Variants in SEC22A observed in about 807,000 individuals in gnomAD.
SEC22A encodes vesicle-trafficking protein SEC22a.
In SEC22A, 22 loss-of-function variants were observed where a neutral mutation model predicts 35.3. The ratio of observed to expected loss-of-function variants is 0.62; its 90% CI spans 0.45 to 0.89. The LOEUF (loss-of-function observed/expected upper bound fraction) is 0.89, where lower values mean the gene tolerates loss of function less well. Among genes scored for constraint, SEC22A ranks in the 40% least tolerant of loss-of-function variants. SEC22A has a pLI of 0.00. For missense variants in SEC22A, 354 were observed against 362.5 expected, an observed-to-expected ratio of 0.98 and a Z score of 0.19; for synonymous variants, 119 against 129.5, an observed-to-expected ratio of 0.92 and a Z score of 0.55.
chr3:123,260,609 G>A (rs190646819), intron 6 of SEC22A, among the ~76,000 whole-genome samples: 72 of 152,234 alleles, frequency 4.7e-4, no homozygotes, highest in African/African-American at 1.6e-3. Flanking sequence ...TTGTTAAAAC[G>A]TGTTACAGCA....
intron 3 of SEC22A, among the ~76,000 whole-genome samples, 174 bp downstream of exon 3, chr3:123,223,896 T>A (rs1456141631): frequency 6.6e-6 from 1 of 152,084 alleles, no homozygotes; most frequent in Admixed American, 6.6e-5. Context: ...TAGAAAAAAA[T>A]TGTGTTTGAG....
intron 2 of SEC22A, among the ~76,000 whole-genome samples, chr3:123,220,894 A>ATATATATATATATATATATATATATATG (rs1559753294): frequency 6.9e-6 from 1 of 145,210 alleles, no homozygotes; most frequent in Non-Finnish European, 1.5e-5. Context: ...ATATATATAT[A>ATATATATATATATATATATATATATATG]TATGTCACAT....
chr3:123,209,174 A>G, intron 1 of SEC22A, 25 bp from the exon 2 acceptor site: 1 of 1,588,070 alleles, frequency 6.3e-7, no homozygotes, highest in South Asian at 1.1e-5. Flanking sequence ...TTTTTATGTA[A>G]CCCAAATTGT....
At chr3:123,209,813 A>G (rs1443582639) in intron 2 of SEC22A, among the ~76,000 whole-genome samples, 1 of 152,188 alleles carries the variant, frequency 6.6e-6, no homozygotes, top group African/African-American at 2.4e-5. Context: ...AAACTGGGCA[A>G]TGGGATAGAG....
chr3:123,215,578 G>T (rs1326628568), intron 2 of SEC22A, among the ~76,000 whole-genome samples: 1 of 152,126 alleles, frequency 6.6e-6, no homozygotes, highest in African/African-American at 2.4e-5. Context: ...TGCTGGGCAG[G>T]TAGATGCTGG....
intron 2 of SEC22A, among the ~76,000 whole-genome samples, chr3:123,212,238 C>T (rs1936949622): frequency 6.6e-6 from 1 of 151,920 alleles, no homozygotes; most frequent in Non-Finnish European, 1.5e-5. Flanking sequence ...TCTTAGATCA[C>T]CTGGATAATG....
intron 2 of SEC22A, among the ~76,000 whole-genome samples, chr3:123,218,618 T>G (rs534207551): frequency 1.7e-4 from 26 of 152,284 alleles, no homozygotes; most frequent in African/African-American, 6.0e-4. Flanking sequence ...ATGTCGAAGA[T>G]TCACTGACCT....
At chr3:123,224,330 T>A (rs910777212) in intron 3 of SEC22A, among the ~76,000 whole-genome samples, 2 of 151,536 alleles carry the variant, frequency 1.3e-5, no homozygotes, top group African/African-American at 4.8e-5. Flanking sequence ...ATTTAGGAAA[T>A]GTCTTATGTT....
intron 4 of SEC22A, among the ~76,000 whole-genome samples, chr3:123,227,318 A>G (rs905825718): frequency 1.3e-5 from 2 of 152,126 alleles, no homozygotes; most frequent in African/African-American, 4.8e-5. Context: ...CCTTCAGCAG[A>G]ACCAGAATAA....
chr3:123,202,720 G>A (rs996409766), intron 1 of SEC22A, among the ~76,000 whole-genome samples: 1 of 152,130 alleles, frequency 6.6e-6, no homozygotes, highest in African/African-American at 2.4e-5. Flanking sequence ...TCCACCTGGG[G>A]CAGGGGGCGA....
At chr3:123,222,733 A>T (rs959468665) in intron 2 of SEC22A, among the ~76,000 whole-genome samples, 1 of 152,208 alleles carries the variant, frequency 6.6e-6, no homozygotes, top group Non-Finnish European at 1.5e-5. Flanking sequence ...GATGTTAGAG[A>T]GTACTTGGTG....
intron 4 of SEC22A, among the ~76,000 whole-genome samples, chr3:123,226,245 C>A (rs1937215844): frequency 6.6e-6 from 1 of 152,090 alleles, no homozygotes; most frequent in Non-Finnish European, 1.5e-5. Context: ...TATGATAGTT[C>A]TCTTTTTAGT....
intron 1 of SEC22A, 56 bp from the exon 2 acceptor site, chr3:123,209,143 G>C: frequency 7.4e-7 from 1 of 1,358,222 alleles, no homozygotes; most frequent in Middle Eastern, 1.8e-4. Context: ...TTTTACATAT[G>C]CTTATCAAGT....
chr3:123,209,197 A>G lies in SEC22A; in HGVS notation c.-19-2A>G. 2 of 1,611,870 alleles carry G rather than the reference A, an allele frequency of 1.2e-6. No homozygotes were observed. Among genetic ancestry groups the G allele is most frequent in the Non-Finnish European group, 1.7e-6 (2 of 1,178,330 alleles). On this transcript the variant is annotated splice_acceptor_variant, in intron 1 of 6. Coordinates refer to ENST00000492595, the MANE Select transcript of SEC22A (RefSeq NM_012430.5). LOFTEE classifies it low-confidence loss of function (5UTR_SPLICE). ...TAACCCAAATTGTTCATTTTGTTTT[A>G]GGTCTTCTCTGTTGGTTGAAATGTC...
At chr3:123,257,425 G>T (rs956231070) in intron 5 of SEC22A, among the ~76,000 whole-genome samples, 3 of 152,144 alleles carry the variant, frequency 2.0e-5, no homozygotes, top group African/African-American at 7.2e-5. Context: ...GGCCAGGCAC[G>T]GTGGCTCACG....
rs141388276 is a variant in SEC22A, at chr3:123,247,896, G to A, written c.657+1882G>A. 9.0e-4 allele frequency among the ~76,000 whole-genome samples: 136 copies of A among 151,796 alleles called. 3 individuals are homozygous for A. In the East Asian group the frequency reaches 0.021, roughly 23 times the overall value. On this transcript the variant is annotated intron_variant, in intron 5 of 6. Coordinates refer to ENST00000492595, the MANE Select transcript of SEC22A (RefSeq NM_012430.5). ...CAGGTGGAATTTATCCCAGGTATGC[G>A]GGGGCCAGTCACCCTTAGAAGCCAA...
At chr3:123,229,996 G>C (rs774634050) in intron 4 of SEC22A, among the ~76,000 whole-genome samples, 7 of 152,068 alleles carry the variant, frequency 4.6e-5, no homozygotes, top group Non-Finnish European at 1.0e-4. Context: ...AAAAAAGACA[G>C]TAAAGGCCCG....
intron 6 of SEC22A, 29 bp downstream of exon 6, chr3:123,259,618 CT>C: frequency 6.8e-7 from 1 of 1,481,022 alleles, no homozygotes; most frequent in Non-Finnish European, 9.4e-7. Flanking sequence ...TAAAGAAACA[CT>C]TACCATTATT....
Position 123,220,867 on chromosome 3 carries a change from C to CATATATATAT in SEC22A, c.183-2688_183-2679dup, listed in dbSNP as rs563341393. Among the ~76,000 whole-genome samples, 502 of 97,494 alleles carry CATATATATAT rather than the reference C, an allele frequency of 5.1e-3. 22 individuals carry two copies. The highest frequency in any genetic ancestry group is 0.014 in the African/African-American group (394 of 27,534). 64.0% of individuals were successfully genotyped at this position (97,494 alleles called of 152,430 possible). ...CTAGGATGGTCTTTAAAAAAGGTCT[C>CATATATATAT]ATATATATATATACATATATATATA... On this transcript the variant is annotated intron_variant, in intron 2 of 6. Transcript: ENST00000492595.
Sources: gnomAD v4.1 joint callset for allele counts (sites outside exome capture counted in the v4.1 genomes callset) on GRCh38, gnomAD v4.1.1 for gene constraint, MANE v1.5 for transcripts, NCBI Gene and HGNC (gene_info 2026-07-23, HGNC 2026-07-21) for gene names.